POLR3C: variants seen among roughly 807,000 people sequenced by gnomAD.
POLR3C encodes the protein DNA-directed RNA polymerase III subunit RPC3.
POLR3C carries 44 observed loss-of-function variants against 65.9 expected under a neutral mutation model. That is an observed-to-expected ratio of 0.67 (90% CI 0.52 to 0.86). The LOEUF (loss-of-function observed/expected upper bound fraction) is 0.86, where lower values mean the gene tolerates loss of function less well. POLR3C is among the 40% of genes least tolerant of loss of function. The pLI, the probability that POLR3C is intolerant of heterozygous loss-of-function variation, is 0.00. For missense variants in POLR3C, 576 were observed against 653.2 expected, an observed-to-expected ratio of 0.88 and a Z score of 1.29; for synonymous variants, 263 against 231.6, an observed-to-expected ratio of 1.14 and a Z score of -1.23.
intron 5 of POLR3C, among the ~76,000 whole-genome samples, 171 bp from the exon 6 acceptor site, chr1:145,833,089 C>G (rs782757838): frequency 4.6e-5 from 7 of 152,058 alleles, no homozygotes; most frequent in African/African-American, 1.7e-4. Flanking sequence ...GCTTAGAAAA[C>G]CTGTTTGAAG....
At chr1:145,838,228 A>G in intron 11 of POLR3C, 22 bp downstream of exon 11, 1 of 1,605,658 alleles carries the variant, frequency 6.2e-7, no homozygotes, top group South Asian at 1.1e-5. Context: ...AGGGCGTAAT[A>G]ATTGCCAACC....
Position 145,836,695 on chromosome 1 carries a change from A to G in POLR3C, c.958-120A>G, listed in dbSNP as rs184614926. 2.6e-4 allele frequency: 242 copies of G among 932,720 alleles called. 1 individual carries two copies. The highest frequency in any genetic ancestry group is 4.1e-4 in the Non-Finnish European group (229 of 561,902). The allele number at this position is 932,720 out of a possible 1,614,324, so 57.8% of individuals were successfully genotyped here. ...ATTCTCTACCTAGCCAGCCCAGACA[A>G]TTTCTCCACATCATTTGATAGGAGG... On this transcript the variant is annotated intron_variant, in intron 8 of 14. Transcript: ENST00000334163.
intron 5 of POLR3C, among the ~76,000 whole-genome samples, chr1:145,833,024 A>C (rs1651464252): frequency 6.6e-6 from 1 of 152,190 alleles, no homozygotes. Flanking sequence ...CCGTCTCAGA[A>C]AAAAATTAAA....
rs587656391 is a variant in POLR3C, at chr1:145,824,211, C to G, written c.-179C>G. The stretch of plus-strand genomic sequence containing the variant: ...CGAAACTCTGGGGTAGAGTGGCACG[C>G]GCTTTTTGCTTTTCCGCGTCTTCTT... On this transcript the variant is annotated 5_prime_UTR_variant, in exon 1 of 15. Transcript: ENST00000334163. 85 of 308,200 alleles carry G rather than the reference C, an allele frequency of 2.8e-4. 1 individual carries two copies. In the Middle Eastern group the frequency reaches 9.5e-3, roughly 34 times the overall value. 19.1% of individuals were successfully genotyped at this position (308,200 alleles called of 1,614,324 possible).
rs1412803599 is a variant in POLR3C at position 145,844,156 on chromosome 1, G to GGT, written c.*1737_*1738dup. Among the ~76,000 whole-genome samples the GGT allele has an allele frequency of 2.0e-5, 3 of 151,966 alleles. No homozygotes were observed. The highest frequency in any genetic ancestry group is 4.8e-5 in the African/African-American group (2 of 41,336). On this transcript the variant is annotated 3_prime_UTR_variant, in exon 15 of 15. Coordinates refer to ENST00000334163, the MANE Select transcript of POLR3C (RefSeq NM_006468.8). ...CTATGCTCCAGCAGTTCCACTACTG[G>GGT]GTATATATATATCTCCAAAAGGAAA...
chr1:145,839,164 A>C (rs1347945792), intron 11 of POLR3C, among the ~76,000 whole-genome samples: 2 of 152,178 alleles, frequency 1.3e-5, no homozygotes, highest in East Asian at 3.9e-4. Context: ...CCAGCTACTC[A>C]GGAGGCTGAG....
At chr1:145,827,973 A>C (rs1409651358) in intron 4 of POLR3C, among the ~76,000 whole-genome samples, 1 of 148,888 alleles carries the variant, frequency 6.7e-6, no homozygotes, top group Non-Finnish European at 1.5e-5. Flanking sequence ...GACGGGATTC[A>C]TCTGGGAGTT....
intron 8 of POLR3C, 58 bp from the exon 9 acceptor site, chr1:145,836,757 T>C (rs1570744785): frequency 8.6e-7 from 1 of 1,161,114 alleles, no homozygotes; most frequent in Non-Finnish European, 1.3e-6. Context: ...ATTTGTTCCA[T>C]TGGAAACAGA....
intron 4 of POLR3C, 49 bp downstream of exon 4, chr1:145,827,054 C>A: frequency 2.3e-6 from 3 of 1,331,832 alleles, no homozygotes; most frequent in Non-Finnish European, 3.2e-6. Flanking sequence ...ATTGTGGATT[C>A]TTCTTGATTG....
rs1652372815 is a variant in POLR3C at position 145,842,545 on chromosome 1, C to G, written c.*125C>G. ...TTCAACTAAACCCCCCTCTCTATCC[C>G]CTGCAGCCCAGGATACACCTGAAAG... On this transcript the variant is annotated 3_prime_UTR_variant, in exon 15 of 15. Coordinates refer to ENST00000334163, the MANE Select transcript of POLR3C (RefSeq NM_006468.8). The G allele has an allele frequency of 9.5e-6, 7 of 733,086 alleles. No individual in the cohort carries two copies. Among genetic ancestry groups the G allele is most frequent in the Non-Finnish European group, 1.7e-5 (7 of 405,526 alleles). The allele number at this position is 733,086 out of a possible 1,614,324, so 45.4% of individuals were successfully genotyped here. A position where few individuals can be genotyped will look rare whatever the true frequency, so the allele number is the denominator to read the frequency against.
chr1:145,839,683 AT>A, intron 11 of POLR3C: 1 of 500,158 alleles, frequency 2.0e-6, no homozygotes, highest in Non-Finnish European at 3.5e-6. Flanking sequence ...GTGAGCTGAT[AT>A]CATGCCACCG....
intron 4 of POLR3C, 150 bp downstream of exon 4, chr1:145,827,155 C>G: frequency 2.9e-6 from 2 of 679,922 alleles, no homozygotes; most frequent in Non-Finnish European, 5.1e-6. Context: ...TGGTCTCTGC[C>G]ATGGGGCTTT....
intron 5 of POLR3C, among the ~76,000 whole-genome samples, chr1:145,831,490 G>A (rs1651315868): frequency 6.7e-6 from 1 of 149,740 alleles, no homozygotes. Context: ...ACTCCAGCCT[G>A]GGCGAAAGAG....
Position 145,826,510 on chromosome 1 carries a change from C to G in POLR3C, c.204C>G (p.His68Gln), listed in dbSNP as rs782046891. The change falls in exon 3 of 15, where the codon CAC becomes CAG. Residue 68 changes from histidine (H) to glutamine (Q), a missense_variant. His to Gln is a conservative substitution (Grantham distance 24). Transcript: ENST00000334163. The stretch of plus-strand genomic sequence containing the variant: ...ATAACCTGGTGAGTTATCAAGTGCA[C>G]AAACGTGGTGTGGTGGAGTATGAAG... ...VQHNLVSYQV[H>Q]KRGVVEYEAQ... 6.2e-7 allele frequency: 1 copy of G among 1,613,684 alleles called. No individual in the cohort carries two copies. The highest frequency in any genetic ancestry group is 2.2e-5 in the East Asian group (1 of 44,882).
At chr1:145,826,049 T>G in intron 2 of POLR3C, 126 bp downstream of exon 2, 1 of 748,774 alleles carries the variant, frequency 1.3e-6, no homozygotes, top group Non-Finnish European at 2.2e-6. Flanking sequence ...AGCAGAACAA[T>G]GTTATTTCGG....
chr1:145,838,220 G>C lies in POLR3C; in HGVS notation c.1221+14G>C. Reference sequence around the variant, plus strand: ...ATGTCACTCCAGGTAACCAACCAAGGGCGTAATAATTGCCAACCAGCAAAG... The same window carrying C: ...ATGTCACTCCAGGTAACCAACCAAGCGCGTAATAATTGCCAACCAGCAAAG... On this transcript the variant is annotated intron_variant, in intron 11 of 14. Coordinates refer to ENST00000334163, the MANE Select transcript of POLR3C (RefSeq NM_006468.8). 1 of 1,608,642 alleles carries C rather than the reference G, an allele frequency of 6.2e-7. No individual in the cohort carries two copies. The highest frequency in any genetic ancestry group is 1.1e-5 in the South Asian group (1 of 90,840).
At chr1:145,841,274 C>G (rs188123479) in intron 14 of POLR3C, among the ~76,000 whole-genome samples, 1 of 152,216 alleles carries the variant, frequency 6.6e-6, no homozygotes, top group Non-Finnish European at 1.5e-5. Flanking sequence ...CATATACACT[C>G]TCTTGTTCAT....
At position 145,833,313 on chromosome 1, in the gene POLR3C, A is replaced by C; in HGVS notation, c.732A>C (p.Gln244His). 1.2e-6 allele frequency: 2 copies of C among 1,613,924 alleles called. No homozygotes were observed. The highest frequency in any genetic ancestry group is 1.3e-5 in the African/African-American group (1 of 75,058). Residue 244 changes from glutamine (Q) to histidine (H), a missense_variant, in exon 6 of 15, where the codon CAA (glutamine) becomes CAC (histidine). Transcript: ENST00000334163. ...YWQANLDRFH[Q>H]HFRDQAIVSA... The stretch of plus-strand genomic sequence containing the variant: ...AGGCCAACCTTGACAGATTCCACCA[A>C]CACTTCCGTGACCAAGCCATTGTGA...
chr1:145,837,461 A>AATTTAATTAT, intron 9 of POLR3C, 75 bp from the exon 10 acceptor site: 1 of 705,958 alleles, frequency 1.4e-6, no homozygotes. Context: ...TATAAATTAG[A>AATTTAATTAT]AACTTAGGAA....
Sources: gnomAD v4.1 joint callset for allele counts (sites outside exome capture counted in the v4.1 genomes callset) on GRCh38, gnomAD v4.1.1 for gene constraint, MANE v1.5 for transcripts, NCBI Gene and HGNC (gene_info 2026-07-23, HGNC 2026-07-21) for gene names.